PLCB1: variants seen among roughly 807,000 people sequenced by gnomAD.
PLCB1 encodes 1-phosphatidylinositol 4,5-bisphosphate phosphodiesterase beta-1.
PLCB1 carries 46 observed loss-of-function variants against 161.8 expected under a neutral mutation model. The ratio of observed to expected loss-of-function variants is 0.28; its 90% CI spans 0.22 to 0.36. The LOEUF (loss-of-function observed/expected upper bound fraction) is 0.36, where lower values mean the gene tolerates loss of function less well. Among genes scored for constraint, PLCB1 ranks in the 10% least tolerant of loss-of-function variants. The pLI, the probability that PLCB1 is intolerant of heterozygous loss-of-function variation, is 1.00. For synonymous variants in PLCB1, 517 were observed against 503.7 expected, an observed-to-expected ratio of 1.03 and a Z score of -0.35; for missense variants, 1,016 against 1,472.5, an observed-to-expected ratio of 0.69 and a Z score of 5.07.
chr20:8,469,064 T>C (rs1055356227), intron 3 of PLCB1, among the ~76,000 whole-genome samples: 2 of 152,144 alleles, frequency 1.3e-5, no homozygotes, highest in Non-Finnish European at 2.9e-5. Flanking sequence ...ATGCTGACAC[T>C]ACCGTCCTAT....
intron 10 of PLCB1, among the ~76,000 whole-genome samples, chr20:8,688,050 G>A (rs543961058): frequency 9.2e-5 from 14 of 152,076 alleles, no homozygotes; most frequent in Non-Finnish European, 1.6e-4. Flanking sequence ...AGGTGGTATC[G>A]CATTGTGGTT....
intron 4 of PLCB1, among the ~76,000 whole-genome samples, chr20:8,632,025 G>T (rs78819250): frequency 0.2 from 15,704 of 79,312 alleles, 1,113 homozygotes; most frequent in Middle Eastern, 0.32. Context: ...ACAAATATGG[G>T]TTTTTTTTGC....
At chr20:8,745,085 C>A (rs1220454948) in intron 23 of PLCB1, among the ~76,000 whole-genome samples, 2 of 152,128 alleles carry the variant, frequency 1.3e-5, no homozygotes, top group Admixed American at 1.3e-4. Flanking sequence ...CACATGGAGT[C>A]TATATTGGTC....
intron 2 of PLCB1, among the ~76,000 whole-genome samples, chr20:8,315,174 G>A (rs1984583386): frequency 6.6e-6 from 1 of 152,174 alleles, no homozygotes; most frequent in South Asian, 2.1e-4. Flanking sequence ...CAGGGATCCT[G>A]TAGGAGAAGC....
intron 12 of PLCB1, among the ~76,000 whole-genome samples, chr20:8,715,582 T>C (rs868029790): frequency 2.0e-5 from 3 of 152,158 alleles, no homozygotes; most frequent in South Asian, 2.1e-4. Flanking sequence ...AGGTCCCTAC[T>C]GGCAATATAT....
chr20:8,415,345 T>G (rs1979223177), intron 3 of PLCB1, among the ~76,000 whole-genome samples: 1 of 152,200 alleles, frequency 6.6e-6, no homozygotes, highest in African/African-American at 2.4e-5. Context: ...TAAAAAATTA[T>G]CATTAAAAAG....
intron 2 of PLCB1, among the ~76,000 whole-genome samples, chr20:8,156,376 T>C (rs972745111): frequency 2.3e-4 from 35 of 152,284 alleles, no homozygotes; most frequent in Non-Finnish European, 4.4e-4. Context: ...TTCCTTCCCT[T>C]CCTGTCTCAC....
intron 17 of PLCB1, among the ~76,000 whole-genome samples, chr20:8,728,742 G>T (rs1345929199): frequency 1.3e-5 from 2 of 151,826 alleles, no homozygotes; most frequent in Non-Finnish European, 2.9e-5. Context: ...TTACCCACGG[G>T]GCTCTGCAAA....
intron 2 of PLCB1, among the ~76,000 whole-genome samples, chr20:8,187,923 A>G (rs6055617): frequency 0.037 from 5,633 of 152,116 alleles, 351 homozygotes; most frequent in African/African-American, 0.13. Flanking sequence ...AAACCTTACC[A>G]CTTTATTGCT....
At chr20:8,310,069 G>T (rs1463370517) in intron 2 of PLCB1, among the ~76,000 whole-genome samples, 2 of 151,578 alleles carry the variant, frequency 1.3e-5, no homozygotes, top group African/African-American at 2.4e-5. Flanking sequence ...AAACATTTCA[G>T]TGATTAAAAG....
At chr20:8,658,218 T>TA (rs1989519145) in intron 8 of PLCB1, among the ~76,000 whole-genome samples, 1 of 152,166 alleles carries the variant, frequency 6.6e-6, no homozygotes, top group African/African-American at 2.4e-5. Flanking sequence ...ACTGTCATAA[T>TA]AAAAAAACCT....
Position 8,132,876 on chromosome 20 carries a change from G to T in PLCB1, c.99+126G>T, listed in dbSNP as rs2051307339. ...TGGGAGCGGGCAGGGGCAGCCTCGGGCGCACAGGTTGGCATCTGCCAAAGC... is the reference window on the plus strand; with the variant it reads ...TGGGAGCGGGCAGGGGCAGCCTCGGTCGCACAGGTTGGCATCTGCCAAAGC... On this transcript the variant is annotated intron_variant, in intron 1 of 31. Coordinates refer to ENST00000338037, the MANE Select transcript of PLCB1 (RefSeq NM_015192.4). This position sits in a 1 kb window ranked among gnomAD's most constrained non-coding sequence, Gnocchi z 5.2. 1.5e-6 allele frequency: 1 copy of T among 685,598 alleles called. No homozygotes were observed. Among genetic ancestry groups the T allele is most frequent in the Non-Finnish European group, 2.6e-6 (1 of 387,486 alleles). 42.5% of individuals were successfully genotyped at this position (685,598 alleles called of 1,614,324 possible). A position where few individuals can be genotyped will look rare whatever the true frequency, so the allele number is the denominator to read the frequency against.
At chr20:8,257,886 A>G (rs1981507100) in intron 2 of PLCB1, among the ~76,000 whole-genome samples, 1 of 152,168 alleles carries the variant, frequency 6.6e-6, no homozygotes, top group Admixed American at 6.6e-5. Flanking sequence ...CCCCCCGACC[A>G]CACACAGATG....
At chr20:8,776,633 G>A (rs746552787) in intron 27 of PLCB1, among the ~76,000 whole-genome samples, 1 of 152,070 alleles carries the variant, frequency 6.6e-6, no homozygotes. Context: ...CATTTTCATC[G>A]CCTTAAAAAG....
At chr20:8,778,456 A>T (rs1171288902) in intron 27 of PLCB1, among the ~76,000 whole-genome samples, 2 of 152,228 alleles carry the variant, frequency 1.3e-5, no homozygotes, top group Non-Finnish European at 2.9e-5. Context: ...ATTGGGGAAA[A>T]CCAGCTGAGC....
At chr20:8,644,634 C>A (rs1376917530) in intron 4 of PLCB1, among the ~76,000 whole-genome samples, 2 of 152,058 alleles carry the variant, frequency 1.3e-5, no homozygotes, top group Non-Finnish European at 2.9e-5. Context: ...AGCCCCTCTG[C>A]CCGGCAGCCA....
chr20:8,173,839 A>C lies in PLCB1; in HGVS notation c.177+23468A>C, dbSNP rs566532305. On this transcript the variant is annotated intron_variant, in intron 2 of 31. Transcript: ENST00000338037. ...TGTAAAGGATAAAACTGAAAAATAC[A>C]ATGGCCAAAATAAAAGAACACAATA... Among the ~76,000 whole-genome samples the C allele has an allele frequency of 9.2e-5, 14 of 152,328 alleles. No homozygotes were observed. The South Asian group carries it at 2.9e-3, about 32-fold the overall frequency.
intron 3 of PLCB1, among the ~76,000 whole-genome samples, chr20:8,626,756 G>C (rs1988361881): frequency 6.6e-6 from 1 of 152,126 alleles, no homozygotes; most frequent in South Asian, 2.1e-4. Context: ...GTACCAAAAA[G>C]AACCCCACAA....
At chr20:8,347,545 A>G (rs1405836272) in intron 2 of PLCB1, among the ~76,000 whole-genome samples, 2 of 152,206 alleles carry the variant, frequency 1.3e-5, no homozygotes, top group Non-Finnish European at 2.9e-5. Flanking sequence ...ATTTTAATGG[A>G]AATTTCCATT....
Sources: gnomAD v4.1 joint callset for allele counts (sites outside exome capture counted in the v4.1 genomes callset) on GRCh38, gnomAD v4.1.1 for gene constraint, Gnocchi (gnomAD v3.1) non-coding constraint, MANE v1.5 for transcripts, NCBI Gene and HGNC (gene_info 2026-07-23, HGNC 2026-07-21) for gene names.